GNAQ: variants seen among roughly 807,000 people sequenced by gnomAD.
GNAQ encodes the protein guanine nucleotide-binding protein G(q) subunit alpha.
In GNAQ, 8 loss-of-function variants were observed where a neutral mutation model predicts 43.9. That is an observed-to-expected ratio of 0.18 (90% CI 0.11 to 0.33). The LOEUF is 0.33. GNAQ is among the 10% of genes least tolerant of loss of function. GNAQ has a pLI of 1.00. For synonymous variants in GNAQ, 155 were observed against 170.7 expected, an observed-to-expected ratio of 0.91 and a Z score of 0.71; for missense variants, 158 against 450.8, an observed-to-expected ratio of 0.35 and a Z score of 5.88.
intron 3 of GNAQ, among the ~76,000 whole-genome samples, chr9:77,807,450 A>G (rs1379183575): frequency 1.3e-5 from 2 of 152,214 alleles, no homozygotes; most frequent in African/African-American, 4.8e-5. Context: ...CACATGACAC[A>G]TAATCCTTGC....
At chr9:77,998,915 C>T (rs1050342395) in intron 1 of GNAQ, among the ~76,000 whole-genome samples, 2 of 151,470 alleles carry the variant, frequency 1.3e-5, no homozygotes, top group Non-Finnish European at 2.9e-5. Flanking sequence ...GGTGAAACCC[C>T]GTCTCTACTA....
intron 2 of GNAQ, among the ~76,000 whole-genome samples, chr9:77,836,039 C>G (rs574293698): frequency 2.1e-4 from 32 of 152,266 alleles, no homozygotes; most frequent in African/African-American, 7.5e-4. Context: ...GAAATTTGAA[C>G]ATTCACTATT....
chr9:77,940,259 G>C (rs1435326770), intron 1 of GNAQ, among the ~76,000 whole-genome samples: 1 of 152,118 alleles, frequency 6.6e-6, no homozygotes, highest in African/African-American at 2.4e-5. Flanking sequence ...AAAAGTGTAT[G>C]AACTCCCATA....
intron 1 of GNAQ, among the ~76,000 whole-genome samples, chr9:78,021,767 T>C (rs1453526730): frequency 6.6e-6 from 1 of 152,170 alleles, no homozygotes; most frequent in Admixed American, 6.5e-5. Context: ...CAGTCACACA[T>C]ACACTAAAGA....
intron 2 of GNAQ, among the ~76,000 whole-genome samples, chr9:77,825,979 T>C (rs1827189784): frequency 6.6e-6 from 1 of 152,100 alleles, no homozygotes; most frequent in Admixed American, 6.6e-5. Context: ...TTAAGAGCTT[T>C]AGCATTAAAA....
intron 2 of GNAQ, among the ~76,000 whole-genome samples, chr9:77,853,615 C>G (rs923805693): frequency 6.6e-6 from 1 of 151,916 alleles, no homozygotes; most frequent in Non-Finnish European, 1.5e-5. Flanking sequence ...GTGTCAAACT[C>G]TGGGAAATCT....
chr9:77,951,664 C>T (rs1822979352), intron 1 of GNAQ, among the ~76,000 whole-genome samples: 1 of 151,994 alleles, frequency 6.6e-6, no homozygotes, highest in Admixed American at 6.6e-5. Flanking sequence ...ACCTGAACAC[C>T]ACAGAAGGGG....
At chr9:77,756,684 C>T (rs1191157876) in intron 5 of GNAQ, among the ~76,000 whole-genome samples, 1 of 152,204 alleles carries the variant, frequency 6.6e-6, no homozygotes, top group African/African-American at 2.4e-5. Context: ...ATTCTTGAAA[C>T]CACTGTATTT....
Position 78,025,726 on chromosome 9 carries a change from T to A in GNAQ, c.136+5374A>T, listed in dbSNP as rs150728202. Among the ~76,000 whole-genome samples, 3 of 152,244 alleles carry A rather than the reference T, an allele frequency of 2.0e-5. No homozygotes were observed. The East Asian group carries it at 5.8e-4, about 29-fold the overall frequency. On this transcript the variant is annotated intron_variant, in intron 1 of 6. Transcript: ENST00000286548. ...CTCTTCCAAGATGTACCCTTTGAGC[T>A]CCCTATTTTCCCTCTACAACATCCA...
chr9:77,724,319 G>A (rs1194749067), intron 6 of GNAQ, among the ~76,000 whole-genome samples: 1 of 152,100 alleles, frequency 6.6e-6, no homozygotes, highest in African/African-American at 2.4e-5. Context: ...AGCCTCGTGG[G>A]TAGCTGGGAC....
chr9:77,789,089 TTAGGAAAGG>T (rs1224514074), intron 5 of GNAQ, among the ~76,000 whole-genome samples: 34 of 152,308 alleles, frequency 2.2e-4, no homozygotes, highest in African/African-American at 7.7e-4. Flanking sequence ...TGGCCTACCA[TTAGGAAAGG>T]TACACAATTG....
At chr9:77,758,016 A>G (rs192365098) in intron 5 of GNAQ, among the ~76,000 whole-genome samples, 2 of 152,352 alleles carry the variant, frequency 1.3e-5, no homozygotes, top group Admixed American at 1.3e-4. Context: ...AACTATTAAT[A>G]TAATGCTTCT....
intron 1 of GNAQ, among the ~76,000 whole-genome samples, chr9:77,963,972 C>A (rs1456181775): frequency 6.6e-6 from 1 of 152,126 alleles, no homozygotes; most frequent in Admixed American, 6.5e-5. Context: ...ATGGTTAAAT[C>A]ATCAGGACCC....
At chr9:77,884,119 C>A (rs1379346216) in intron 2 of GNAQ, among the ~76,000 whole-genome samples, 2 of 152,142 alleles carry the variant, frequency 1.3e-5, no homozygotes, top group Non-Finnish European at 2.9e-5. Context: ...AGACAGCCAG[C>A]CCAAGAAGAT....
intron 2 of GNAQ, among the ~76,000 whole-genome samples, chr9:77,884,870 T>C (rs752157942): frequency 6.6e-6 from 1 of 152,218 alleles, no homozygotes; most frequent in Non-Finnish European, 1.5e-5. Context: ...CTTGTAGGTG[T>C]CAGAGTTCAG....
At chr9:77,855,462 A>G (rs1248551043) in intron 2 of GNAQ, among the ~76,000 whole-genome samples, 1 of 152,168 alleles carries the variant, frequency 6.6e-6, no homozygotes, top group Non-Finnish European at 1.5e-5. Context: ...TTGCAGGTTT[A>G]TACTTTGATT....
intron 1 of GNAQ, among the ~76,000 whole-genome samples, chr9:78,020,079 G>C (rs1486491591): frequency 6.6e-6 from 1 of 152,054 alleles, no homozygotes; most frequent in Non-Finnish European, 1.5e-5. Flanking sequence ...TCAGCTAAAA[G>C]GTGTTATTTC....
At chr9:77,956,774 T>G (rs1460232800) in intron 1 of GNAQ, among the ~76,000 whole-genome samples, 1 of 152,132 alleles carries the variant, frequency 6.6e-6, no homozygotes, top group African/African-American at 2.4e-5. Context: ...TACTCAACAT[T>G]GAATGAGAGC....
At chr9:77,764,550 G>A (rs954487964) in intron 5 of GNAQ, among the ~76,000 whole-genome samples, 2 of 151,898 alleles carry the variant, frequency 1.3e-5, no homozygotes, top group African/African-American at 2.4e-5. Context: ...CTGCCTCCCG[G>A]GTTCACGCTA....
Sources: gnomAD v4.1 joint callset for allele counts (sites outside exome capture counted in the v4.1 genomes callset) on GRCh38, gnomAD v4.1.1 for gene constraint, MANE v1.5 for transcripts, NCBI Gene and HGNC (gene_info 2026-07-23, HGNC 2026-07-21) for gene names.